Variants in GYPC observed in about 807,000 individuals in gnomAD.
GYPC encodes glycophorin C (Gerbich blood group), also known as glycophorin-C.
Under a neutral mutation model 12.6 loss-of-function variants are expected in GYPC, and 14 were observed. The ratio of observed to expected loss-of-function variants is 1.11; its 90% CI spans 0.74 to 1.74. The LOEUF (loss-of-function observed/expected upper bound fraction) is 1.74, where lower values mean the gene tolerates loss of function less well. Among genes scored for constraint, GYPC ranks in the 40% most tolerant of loss-of-function variants. GYPC has a pLI of 0.00. For missense variants in GYPC, 225 were observed against 172.1 expected (o/e 1.31, Z -1.72); for synonymous variants, 78 against 62.1 (o/e 1.26, Z -1.20).
Position 126,696,358 on chromosome 2 carries a change from T to C in GYPC, c.*216T>C, listed in dbSNP as rs1683645646. 3.6e-6 allele frequency: 2 copies of C among 563,106 alleles called. No homozygotes were observed. Among genetic ancestry groups the C allele is most frequent in the East Asian group, 3.2e-5 (1 of 31,368 alleles). The allele number at this position is 563,106 out of a possible 1,614,324, so 34.9% of individuals were successfully genotyped here. On this transcript the variant is annotated 3_prime_UTR_variant, in exon 4 of 4. Coordinates refer to ENST00000259254, the MANE Select transcript of GYPC (RefSeq NM_002101.5). ...CACTCCCAGGGACCCAGGGAGGCGA[T>C]GGCCACCCCAGAGGCCACCTTTTGC...
intron 1 of GYPC, among the ~76,000 whole-genome samples, chr2:126,670,926 GC>G (rs1415683289): frequency 6.6e-6 from 1 of 152,144 alleles, no homozygotes; most frequent in Non-Finnish European, 1.5e-5. Context: ...GAGACCGGTG[GC>G]CCCCAAGCCT....
At chr2:126,656,433 C>A (rs1682358220) in intron 1 of GYPC, 121 bp downstream of exon 1, 3 of 795,152 alleles carry the variant, frequency 3.8e-6, no homozygotes, top group Non-Finnish European at 6.0e-6. Context: ...GGCCTCCAGG[C>A]GGAGGAGGCG....
intron 1 of GYPC, among the ~76,000 whole-genome samples, chr2:126,665,333 G>T (rs189483401): frequency 6.6e-6 from 1 of 152,250 alleles, no homozygotes; most frequent in East Asian, 1.9e-4. Context: ...ATTCATTGTT[G>T]TTAATATCTT....
chr2:126,665,509 T>A (rs1036687813), intron 1 of GYPC, among the ~76,000 whole-genome samples: 2 of 152,200 alleles, frequency 1.3e-5, no homozygotes, highest in East Asian at 3.9e-4. Context: ...GACAGATAGA[T>A]GATCACCCAG....
chr2:126,680,900 G>A lies in GYPC; in HGVS notation c.50-9355G>A, dbSNP rs7563006. The stretch of plus-strand genomic sequence containing the variant: ...CAACAACAGCCTGACGCCTGCTCAC[G>A]GGAGACACCGCCAAGCAGGTGCAGG... On this transcript the variant is annotated intron_variant, in intron 1 of 3. Transcript: ENST00000259254. Among the ~76,000 whole-genome samples the A allele has an allele frequency of 2.2e-3, 340 of 152,172 alleles. 1 individual carries two copies. The highest frequency in any genetic ancestry group is 7.7e-3 in the African/African-American group (320 of 41,540).
chr2:126,675,088 G>A (rs1682958930), intron 1 of GYPC, among the ~76,000 whole-genome samples: 1 of 152,080 alleles, frequency 6.6e-6, no homozygotes, highest in African/African-American at 2.4e-5. Flanking sequence ...AGTGCCCAGG[G>A]TGAGTGGCTC....
chr2:126,668,729 T>G (rs1468662535), intron 1 of GYPC, among the ~76,000 whole-genome samples: 1 of 152,236 alleles, frequency 6.6e-6, no homozygotes, highest in African/African-American at 2.4e-5. Context: ...CATCCCTGGT[T>G]CCACCATCAT....
In GYPC at chr2:126,696,418, G is replaced by A. The variant is rs1683647058; in HGVS notation, c.*276G>A. ...GTGGGAGAAAATCTGGGCACATGGG[G>A]CCCCCTGGGCAGTGCAGGACAACAT... On this transcript the variant is annotated 3_prime_UTR_variant, in exon 4 of 4. Transcript: ENST00000259254. 1.1e-5 allele frequency: 5 copies of A among 457,352 alleles called. 1 individual carries two copies. Among genetic ancestry groups the A allele is most frequent in the South Asian group, 1.0e-4 (5 of 49,010 alleles). The allele number at this position is 457,352 out of a possible 1,614,324, so 28.3% of individuals were successfully genotyped here.
intron 1 of GYPC, among the ~76,000 whole-genome samples, chr2:126,674,741 C>T (rs28387144): frequency 0.036 from 5,515 of 152,274 alleles, 147 homozygotes; most frequent in Non-Finnish European, 0.052. Context: ...AAGCACCTTG[C>T]TCCTTCCTGG....
intron 3 of GYPC, among the ~76,000 whole-genome samples, chr2:126,695,184 T>A (rs945356580): frequency 2.6e-4 from 40 of 152,270 alleles, no homozygotes; most frequent in Non-Finnish European, 5.0e-4. Context: ...TAGCCTCATC[T>A]TTTTTCCCCC....
At chr2:126,663,403 G>A (rs1369721986) in intron 1 of GYPC, among the ~76,000 whole-genome samples, 1 of 152,180 alleles carries the variant, frequency 6.6e-6, no homozygotes, top group Non-Finnish European at 1.5e-5. Context: ...CGCAGGCCCT[G>A]CTCTTGGCCA....
chr2:126,671,718 C>T (rs1682861326), intron 1 of GYPC, among the ~76,000 whole-genome samples: 1 of 152,218 alleles, frequency 6.6e-6, no homozygotes, highest in Admixed American at 6.5e-5. Context: ...CAGGCCAAAG[C>T]CCTGGGAATA....
chr2:126,683,689 T>C (rs1396728357), intron 1 of GYPC, among the ~76,000 whole-genome samples: 2 of 152,236 alleles, frequency 1.3e-5, no homozygotes, highest in Non-Finnish European at 1.5e-5. Flanking sequence ...GAGGAAACCC[T>C]GGAACCAGAC....
intron 2 of GYPC, among the ~76,000 whole-genome samples, chr2:126,690,526 T>C (rs186673784): frequency 6.6e-6 from 1 of 152,306 alleles, no homozygotes; most frequent in African/African-American, 2.4e-5. Flanking sequence ...TACCCCTGGG[T>C]AAATAAATAT....
In GYPC at chr2:126,686,114, AAG is replaced by A. The variant is rs574152943; in HGVS notation, c.50-4137_50-4136del. The A allele has an allele frequency of 2.5e-5, 25 of 985,370 alleles. No homozygotes were observed. The East Asian group carries it at 2.3e-3, about 90-fold the overall frequency. 61.0% of individuals were successfully genotyped at this position (985,370 alleles called of 1,614,324 possible). ...TAAAGACCAGCCCACGCAGGAAAAA[AAG>A]AGAACTTTTTAGCACAGTGTCATCT... On this transcript the variant is annotated intron_variant, in intron 1 of 3. Coordinates refer to ENST00000259254, the MANE Select transcript of GYPC (RefSeq NM_002101.5).
intron 2 of GYPC, among the ~76,000 whole-genome samples, chr2:126,693,117 A>T (rs954471061): frequency 3.9e-4 from 60 of 152,350 alleles, no homozygotes; most frequent in African/African-American, 1.3e-3. Flanking sequence ...GGGAGGTGGG[A>T]CCTAGTGGGA....
chr2:126,680,286 A>C (rs1315385692), intron 1 of GYPC: 1 of 152,282 alleles, frequency 6.6e-6, no homozygotes, highest in East Asian at 1.9e-4. Context: ...TCAGAGGAGG[A>C]GATGGAGAAA....
intron 1 of GYPC, chr2:126,658,492 A>T (rs1028244223): frequency 6.6e-6 from 1 of 152,232 alleles, no homozygotes; most frequent in Non-Finnish European, 1.5e-5. Flanking sequence ...CAGGTGGCAG[A>T]CCTGTATGTA....
intron 1 of GYPC, among the ~76,000 whole-genome samples, chr2:126,681,452 G>A (rs188826780): frequency 1.3e-5 from 2 of 152,066 alleles, no homozygotes; most frequent in Admixed American, 6.6e-5. Context: ...TCCCGAGCAC[G>A]GACTTTTGTT....
Sources: allele counts gnomAD v4.1 joint callset (sites outside exome capture counted in the v4.1 genomes callset), GRCh38; gene constraint gnomAD v4.1.1; transcripts MANE v1.5; gene names NCBI Gene and HGNC (gene_info 2026-07-23, HGNC 2026-07-21).